Variants in TNS3 observed in about 807,000 individuals in gnomAD.
TNS3 encodes tensin-3.
In TNS3, 45 loss-of-function variants were observed where a neutral mutation model predicts 140.9. The observed-to-expected ratio is 0.32, with a 90% CI of 0.25 to 0.41. TNS3 has a LOEUF of 0.41. Ranked by LOEUF, TNS3 falls within the 10% of genes least tolerant of loss-of-function variation. TNS3 has a pLI of 1.00. For missense variants in TNS3, 1,716 were observed against 1,906.7 expected (o/e 0.90, Z 1.86); for synonymous variants, 815 against 788.4 (o/e 1.03, Z -0.56).
At chr7:47,386,992 C>T (rs796708673) in intron 16 of TNS3, among the ~76,000 whole-genome samples, 2 of 152,196 alleles carry the variant, frequency 1.3e-5, no homozygotes, top group African/African-American at 4.8e-5. Context: ...TCTTAGATAA[C>T]AGTAACAGAA....
At chr7:47,300,369 C>G (rs1045793299) in intron 23 of TNS3, among the ~76,000 whole-genome samples, 2 of 152,204 alleles carry the variant, frequency 1.3e-5, no homozygotes, top group Non-Finnish European at 1.5e-5. Context: ...GGGGTCCTCC[C>G]AGCAAACCTT....
In TNS3 at chr7:47,407,438, C is replaced by T. The variant is rs1241210125; in HGVS notation, c.723+4289G>A. 2.0e-5 allele frequency among the ~76,000 whole-genome samples: 3 copies of T among 152,220 alleles called. No homozygotes were observed. Among genetic ancestry groups the T allele is most frequent in the Non-Finnish European group, 4.4e-5 (3 of 68,038 alleles). ...CTGCACTGCCCACTCACGTGTCCACCGCATCTTCTCATGCAGGCCGCACGC... is the reference window on the plus strand; with the variant it reads ...CTGCACTGCCCACTCACGTGTCCACTGCATCTTCTCATGCAGGCCGCACGC... On this transcript the variant is annotated intron_variant, in intron 13 of 30. Transcript: ENST00000311160. The surrounding 1 kb of genome is among the most constrained non-coding windows in gnomAD (Gnocchi z 4.1).
At chr7:47,545,287 G>A (rs531016055) in intron 1 of TNS3, among the ~76,000 whole-genome samples, 23 of 152,080 alleles carry the variant, frequency 1.5e-4, no homozygotes, top group African/African-American at 5.5e-4. Flanking sequence ...CTACAGGCAT[G>A]CACCACCATG....
intron 1 of TNS3, among the ~76,000 whole-genome samples, chr7:47,546,665 T>C (rs573813927): frequency 4.9e-4 from 74 of 152,344 alleles, no homozygotes; most frequent in African/African-American, 1.7e-3. Context: ...TTAAATGTTA[T>C]TCAAGCAAAG....
In TNS3 at chr7:47,409,879, G is replaced by A. The variant is rs559980871; in HGVS notation, c.723+1848C>T. On this transcript the variant is annotated intron_variant, in intron 13 of 30. Coordinates refer to ENST00000311160, the MANE Select transcript of TNS3 (RefSeq NM_022748.12). ...TCACCGTGTCAGCCAGGATGGTCTC[G>A]ATCTCCTGACCTCGTGATCCGCCCA... is the stretch of plus-strand genomic sequence containing the variant. Among the ~76,000 whole-genome samples the A allele has an allele frequency of 2.6e-3, 390 of 152,174 alleles. 1 individual carries two copies. Among genetic ancestry groups the A allele is most frequent in the Non-Finnish European group, 4.6e-3 (313 of 68,010 alleles).
At chr7:47,437,007 A>G (rs1276264449) in intron 7 of TNS3, among the ~76,000 whole-genome samples, 2 of 152,180 alleles carry the variant, frequency 1.3e-5, no homozygotes, top group Non-Finnish European at 2.9e-5. Context: ...ATATTTCACT[A>G]TTAGTGTTGT....
intron 13 of TNS3, among the ~76,000 whole-genome samples, chr7:47,403,117 C>T (rs557338458): frequency 9.2e-5 from 14 of 152,284 alleles, no homozygotes; most frequent in African/African-American, 2.6e-4. Flanking sequence ...TCAGTACCGC[C>T]CCGCCCAGCG....
chr7:47,355,572 C>T (rs1789946376), intron 17 of TNS3, among the ~76,000 whole-genome samples: 1 of 152,172 alleles, frequency 6.6e-6, no homozygotes, highest in South Asian at 2.1e-4. Flanking sequence ...TCAATTCACC[C>T]CTGAGCAGTC....
chr7:47,415,116 G>A lies in TNS3; in HGVS notation c.564C>T (p.Thr188=). The A allele has an allele frequency of 1.2e-6, 2 of 1,612,226 alleles. No homozygotes were observed. Among genetic ancestry groups the A allele is most frequent in the East Asian group, 2.2e-5 (1 of 44,672 alleles). Residue 188 remains threonine, a synonymous_variant, in exon 11 of 31, where the codon ACC becomes ACT. Transcript: ENST00000311160. ...LFLHFVILHG[T]PNFDTGGVCR... is the part of the protein sequence containing the mutation. ...CACCTCCACCTGTGTCGAAGTTGGG[G>A]GTGCCGTGGAGGATGACAAAATGCA...
At chr7:47,527,966 C>A (rs1337256747) in intron 2 of TNS3, among the ~76,000 whole-genome samples, 1 of 152,100 alleles carries the variant, frequency 6.6e-6, no homozygotes, top group South Asian at 2.1e-4. Flanking sequence ...TCAGAGTACA[C>A]TACAGCCCGT....
At chr7:47,381,855 T>C (rs147083241) in intron 16 of TNS3, among the ~76,000 whole-genome samples, 238 of 152,368 alleles carry the variant, frequency 1.6e-3, no homozygotes, top group African/African-American at 5.7e-3. Context: ...GAAATTATTG[T>C]TACCATTCTG....
intron 10 of TNS3, among the ~76,000 whole-genome samples, chr7:47,422,865 G>A (rs532247551): frequency 5.5e-5 from 7 of 127,774 alleles, no homozygotes; most frequent in African/African-American, 2.0e-4. Flanking sequence ...AACATTTAAT[G>A]GTTCCAAAAA....
intron 1 of TNS3, among the ~76,000 whole-genome samples, chr7:47,578,181 T>C (rs1308798182): frequency 6.6e-6 from 1 of 151,898 alleles, no homozygotes. Flanking sequence ...GGCATGGTGG[T>C]ATGCGCCTGT....
upstream of TNS3, chr7:47,582,326 G>C: frequency 2.4e-6 from 1 of 416,724 alleles, no homozygotes; most frequent in South Asian, 1.7e-5. Flanking sequence ...ACCTCCCTTC[G>C]CTGGCCGCAG....
At chr7:47,315,638 G>GGCTC (rs1787354809) in intron 20 of TNS3, among the ~76,000 whole-genome samples, 1 of 152,200 alleles carries the variant, frequency 6.6e-6, no homozygotes, top group Non-Finnish European at 1.5e-5. Flanking sequence ...CAGGGCCACT[G>GGCTC]GCTCGCTCTT....
At position 47,346,208 on chromosome 7, in the gene TNS3, G is replaced by A; in HGVS notation, c.2430C>T (p.Pro810=). ...ATACCTCTTTGACGTCCGCTGGTGA[G>A]GGGAATGGCGGCAGGTTTGGGGCAT... is the stretch of plus-strand genomic sequence containing the variant. ...VDYAPNLPPF[P]SPADVKETMT... The change falls in exon 18 of 31, where the codon CCC becomes CCT. Residue 810 remains proline (P), a synonymous_variant. Transcript: ENST00000311160. 1 of 1,614,186 alleles carries A rather than the reference G, an allele frequency of 6.2e-7. No homozygotes were observed. Among genetic ancestry groups the A allele is most frequent in the South Asian group, 1.1e-5 (1 of 91,084 alleles).
Position 47,400,444 on chromosome 7 carries a change from C to T in TNS3, c.868G>A (p.Asp290Asn). 2 of 1,614,090 alleles carry T rather than the reference C, an allele frequency of 1.2e-6. No individual in the cohort carries two copies. The highest frequency in any genetic ancestry group is 8.5e-7 in the Non-Finnish European group (1 of 1,179,990). The change falls in exon 15 of 31, where the codon GAC becomes AAC. Residue 290 changes from aspartate (D) to asparagine (N), a missense_variant. Asp to Asn is a conservative substitution (Grantham distance 23). Coordinates refer to ENST00000311160, the MANE Select transcript of TNS3 (RefSeq NM_022748.12). ...AAGACTAATTCAACCTTCCCATAGTCAGGAAAACGGTCATCTGAAAAAAAC... is the reference window on the plus strand; with the variant it reads ...AAGACTAATTCAACCTTCCCATAGTTAGGAAAACGGTCATCTGAAAAAAAC... ...DNASKDDRFP[D>N]YGKVELVFSA...
chr7:47,346,263 T>C lies in TNS3; in HGVS notation c.2375A>G (p.Lys792Arg). The change falls in exon 18 of 31, where the codon AAA (lysine) becomes AGA (arginine). Residue 792 changes from lysine to arginine, a missense_variant. Lys to Arg is a conservative substitution (Grantham distance 26). Around this residue, in one of 3 missense-constraint regions of TNS3, gnomAD observed 1,163 missense variants for 1,182.1 expected, o/e 0.98. Transcript: ENST00000311160. ...CACACCAGCCTTTCCCCATGCACAT[T>C]TGGAGAAGGGCAGCTGCCCCCCAGC... Reference protein sequence around the residue: ...NDAGGQLPFSKCAWGKAGVDY... With the variant: ...NDAGGQLPFSRCAWGKAGVDY... 1.9e-6 allele frequency: 3 copies of C among 1,614,166 alleles called. No homozygotes were observed. Among genetic ancestry groups the C allele is most frequent in the African/African-American group, 1.3e-5 (1 of 75,040 alleles).
intron 16 of TNS3, among the ~76,000 whole-genome samples, chr7:47,370,969 C>T (rs1333816787): frequency 1.3e-5 from 2 of 152,174 alleles, no homozygotes; most frequent in Admixed American, 6.5e-5. Flanking sequence ...GACAGAGTCC[C>T]AAGGGGTCCT....
Sources: allele counts gnomAD v4.1 joint callset (sites outside exome capture counted in the v4.1 genomes callset), GRCh38; gene constraint gnomAD v4.1.1; regional missense constraint gnomAD v4.1.1; non-coding constraint Gnocchi (gnomAD v3.1); transcripts MANE v1.5; gene names NCBI Gene and HGNC (gene_info 2026-07-23, HGNC 2026-07-21).